The following CSMD3 variants were observed in gnomAD, a reference collection of about 807,000 sequenced individuals.
The protein encoded by CSMD3 is CUB and sushi domain-containing protein 3.
CSMD3 carries 177 observed loss-of-function variants against 435.2 expected under a neutral mutation model. That is an observed-to-expected ratio of 0.41 (90% confidence interval 0.36 to 0.46). The LOEUF is 0.46. Among genes scored for constraint, CSMD3 ranks in the 20% least tolerant of loss-of-function variants. CSMD3 has a pLI of 0.34. For synonymous variants in CSMD3, 1,656 were observed against 1,520.5 expected (o/e 1.09, Z -2.07); for missense variants, 4,265 against 4,504.6 (o/e 0.95, Z 1.52).
intron 49 of CSMD3, 104 bp from the exon 50 acceptor site, chr8:112,311,270 G>T: frequency 1.2e-6 from 1 of 862,620 alleles, no homozygotes; most frequent in Non-Finnish European, 1.9e-6. Context: ...GTAGGTCAGT[G>T]GTCATCTATG....
intron 32 of CSMD3, among the ~76,000 whole-genome samples, chr8:112,438,336 T>C (rs1322356685): frequency 6.6e-6 from 1 of 152,200 alleles, no homozygotes; most frequent in African/African-American, 2.4e-5. Flanking sequence ...AACTCTAACA[T>C]GTGACAGAAT....
chr8:113,168,949 T>C (rs1175245896), intron 4 of CSMD3, among the ~76,000 whole-genome samples: 1 of 152,156 alleles, frequency 6.6e-6, no homozygotes, highest in Non-Finnish European at 1.5e-5. Context: ...GCAAACATAA[T>C]AAATATCCTT....
chr8:112,829,811 C>T (rs746207130), intron 11 of CSMD3, 22 bp from the exon 12 acceptor site: 1 of 1,230,214 alleles, frequency 8.1e-7, no homozygotes, highest in Non-Finnish European at 1.2e-6. Context: ...CAGAAACATG[C>T]ACCTTAAATA....
chr8:112,717,148 G>GA (rs2076750464), intron 13 of CSMD3, among the ~76,000 whole-genome samples: 1 of 151,254 alleles, frequency 6.6e-6, no homozygotes, highest in Admixed American at 6.6e-5. Flanking sequence ...AAAAATGGGA[G>GA]AAATTTTTTG....
Position 112,337,136 on chromosome 8 carries a change from C to T in CSMD3, c.6842-307G>A, listed in dbSNP as rs539871481. Among the ~76,000 whole-genome samples the T allele has an allele frequency of 7.2e-5, 11 of 152,230 alleles. No homozygotes were observed. In the South Asian group the frequency reaches 2.3e-3, roughly 32 times the overall value. On this transcript the variant is annotated intron_variant, in intron 43 of 70. Transcript: ENST00000297405. ...CAAAGACTTTAACTTTCATTTGCCTCTTACTATGTGTACATATAAGGCCTT... is the reference window on the plus strand; with the variant it reads ...CAAAGACTTTAACTTTCATTTGCCTTTTACTATGTGTACATATAAGGCCTT...
At chr8:112,554,718 T>C (rs943708557) in intron 25 of CSMD3, among the ~76,000 whole-genome samples, 4 of 151,952 alleles carry the variant, frequency 2.6e-5, no homozygotes, top group Non-Finnish European at 5.9e-5. Flanking sequence ...ATAAAACTTA[T>C]GTTTGCAGAA....
chr8:112,621,522 C>A (rs1394100714), intron 22 of CSMD3, among the ~76,000 whole-genome samples: 2 of 152,114 alleles, frequency 1.3e-5, no homozygotes, highest in African/African-American at 4.8e-5. Flanking sequence ...TCCACTCTGA[C>A]ACTGAAGCTG....
chr8:113,325,240 C>A (rs1375604410), intron 1 of CSMD3, among the ~76,000 whole-genome samples: 3 of 151,940 alleles, frequency 2.0e-5, no homozygotes, highest in South Asian at 2.1e-4. Flanking sequence ...TTGGGAGGGG[C>A]CAGGGGCAGA....
At chr8:112,326,809 G>A (rs1214731706) in intron 45 of CSMD3, among the ~76,000 whole-genome samples, 1 of 152,164 alleles carries the variant, frequency 6.6e-6, no homozygotes, top group Non-Finnish European at 1.5e-5. Context: ...GAGGTCAGGA[G>A]TTTGAAACCA....
At chr8:113,020,656 A>G (rs1026282908) in intron 5 of CSMD3, among the ~76,000 whole-genome samples, 2 of 152,230 alleles carry the variant, frequency 1.3e-5, no homozygotes, top group African/African-American at 4.8e-5. Context: ...AAGGTTTCTT[A>G]ATAACAAGTA....
At chr8:113,116,144 T>C (rs1234819057) in intron 4 of CSMD3, among the ~76,000 whole-genome samples, 3 of 152,168 alleles carry the variant, frequency 2.0e-5, no homozygotes, top group African/African-American at 7.2e-5. Flanking sequence ...AAACATAATT[T>C]ATTTCTACAG....
chr8:112,879,889 G>A (rs2081399655), intron 10 of CSMD3, among the ~76,000 whole-genome samples: 2 of 151,920 alleles, frequency 1.3e-5, no homozygotes, highest in South Asian at 2.1e-4. Flanking sequence ...ATGGATACAG[G>A]AAGGGGAACA....
intron 3 of CSMD3, among the ~76,000 whole-genome samples, chr8:113,260,166 G>A (rs966742992): frequency 3.3e-5 from 5 of 152,082 alleles, no homozygotes; most frequent in African/African-American, 1.2e-4. Context: ...CCCAGTCTCA[G>A]GTATGTCCTT....
intron 18 of CSMD3, among the ~76,000 whole-genome samples, chr8:112,650,953 C>T (rs2131636361): frequency 8.1e-6 from 1 of 123,650 alleles, no homozygotes; most frequent in Non-Finnish European, 1.8e-5. Context: ...GCTTCTCAAC[C>T]TCGGCACTGT....
intron 22 of CSMD3, among the ~76,000 whole-genome samples, chr8:112,599,180 A>T (rs1031573215): frequency 6.8e-6 from 1 of 147,228 alleles, no homozygotes; most frequent in Admixed American, 6.7e-5. Flanking sequence ...AAAGAAAAAA[A>T]AAACAACCCC....
chr8:112,971,594 T>C (rs545960264), intron 7 of CSMD3, among the ~76,000 whole-genome samples: 4 of 152,304 alleles, frequency 2.6e-5, no homozygotes, highest in African/African-American at 9.6e-5. Flanking sequence ...GCTATAATTG[T>C]TCATTTGACC....
chr8:112,645,672 C>T (rs1195839063), intron 19 of CSMD3, among the ~76,000 whole-genome samples: 2 of 152,040 alleles, frequency 1.3e-5, no homozygotes, highest in Non-Finnish European at 2.9e-5. Flanking sequence ...GTTTTTAAGG[C>T]TGCTTCTGGG....
chr8:113,151,326 T>A (rs1450106199), intron 4 of CSMD3, among the ~76,000 whole-genome samples: 4 of 151,978 alleles, frequency 2.6e-5, no homozygotes, highest in Non-Finnish European at 5.9e-5. Flanking sequence ...ATCTTAATTG[T>A]ATTATTGTGC....
At chr8:112,811,502 T>C in intron 12 of CSMD3, among the ~76,000 whole-genome samples, 1 of 152,164 alleles carries the variant, frequency 6.6e-6, no homozygotes, top group East Asian at 1.9e-4. Context: ...TTGTATCCTG[T>C]CTTCCTGTTT....
Sources: gnomAD v4.1 joint callset for allele counts (sites outside exome capture counted in the v4.1 genomes callset) on GRCh38, gnomAD v4.1.1 for gene constraint, MANE v1.5 for transcripts, NCBI Gene and HGNC (gene_info 2026-07-23, HGNC 2026-07-21) for gene names.